The following THG1L variants were observed in gnomAD, a reference collection of about 807,000 sequenced individuals.
The protein encoded by THG1L is probable tRNA(His) guanylyltransferase.
A neutral mutation model predicts 35.2 loss-of-function variants in THG1L; 27 were observed. That is an observed-to-expected ratio of 0.77 (90% CI 0.57 to 1.06). THG1L has a LOEUF of 1.06. THG1L is among the 50% of genes least tolerant of loss of function. THG1L has a pLI of 0.00. For synonymous variants in THG1L, 135 were observed against 132.4 expected (o/e 1.02, Z -0.14); for missense variants, 377 against 371.8 (o/e 1.01, Z -0.12).
intron 3 of THG1L, 136 bp downstream of exon 3, chr5:157,734,881 T>C: frequency 1.1e-6 from 1 of 937,066 alleles, no homozygotes; most frequent in Non-Finnish European, 1.5e-6. Context: ...TTAAATATTT[T>C]TTCAATTAGT....
At chr5:157,732,566 A>T (rs1250620786) in intron 1 of THG1L, among the ~76,000 whole-genome samples, 1 of 152,224 alleles carries the variant, frequency 6.6e-6, no homozygotes, top group African/African-American at 2.4e-5. Context: ...ACTAGGAGCT[A>T]GGTATGATTA....
At chr5:157,734,789 C>T in intron 3 of THG1L, 44 bp downstream of exon 3, 2 of 1,610,002 alleles carry the variant, frequency 1.2e-6, no homozygotes, top group Non-Finnish European at 1.7e-6. Context: ...CCACCAATTC[C>T]ATGTCTTACA....
intron 3 of THG1L, among the ~76,000 whole-genome samples, 175 bp downstream of exon 3, chr5:157,734,920 G>A (rs970513538): frequency 2.6e-5 from 4 of 151,422 alleles, no homozygotes; most frequent in African/African-American, 9.7e-5. Context: ...TAAATTTTAC[G>A]TAAAAACTCC....
chr5:157,735,527 C>T (rs758279850), intron 3 of THG1L, among the ~76,000 whole-genome samples: 4 of 152,104 alleles, frequency 2.6e-5, no homozygotes, highest in Non-Finnish European at 5.9e-5. Context: ...TTTGAATTTT[C>T]CAGAAGAACT....
intron 5 of THG1L, 97 bp downstream of exon 5, chr5:157,738,091 T>G: frequency 1.1e-6 from 1 of 891,710 alleles, no homozygotes; most frequent in Non-Finnish European, 1.7e-6. Flanking sequence ...TATGCTGATG[T>G]TACTCCAGTT....
chr5:157,739,461 G>A lies in THG1L; in HGVS notation c.876G>A (p.Glu292=). 6.2e-7 allele frequency: 1 copy of A among 1,613,140 alleles called. No homozygotes were observed. The highest frequency in any genetic ancestry group is 1.3e-5 in the African/African-American group (1 of 75,034). The change falls in exon 6 of 6, where the codon GAG becomes GAA. Residue 292 remains glutamate (E), a synonymous_variant. Coordinates refer to ENST00000231198, the MANE Select transcript of THG1L (RefSeq NM_017872.5). The part of the protein sequence containing the change: ...IGDAFWKEHP[E]ILDEDS The stretch of plus-strand genomic sequence containing the variant: ...ATGCTTTCTGGAAGGAACATCCAGA[G>A]ATTCTAGATGAAGACAGCTGACCCT...
intron 2 of THG1L, among the ~76,000 whole-genome samples, chr5:157,733,613 G>A (rs1441281773): frequency 6.6e-6 from 1 of 151,534 alleles, no homozygotes; most frequent in Non-Finnish European, 1.5e-5. Flanking sequence ...TTACAGACAT[G>A]AGCCACCACG....
intron 2 of THG1L, among the ~76,000 whole-genome samples, chr5:157,733,536 GC>G (rs1281242202): frequency 6.6e-6 from 1 of 151,954 alleles, no homozygotes; most frequent in Admixed American, 6.6e-5. Context: ...TCTCTGTGTT[GC>G]CCAGGCTGGT....
At position 157,739,493 on chromosome 5, in the gene THG1L, C is replaced by G; in HGVS notation, c.*11C>G. On this transcript the variant is annotated 3_prime_UTR_variant, in exon 6 of 6. Coordinates refer to ENST00000231198, the MANE Select transcript of THG1L (RefSeq NM_017872.5). ...GATGAAGACAGCTGACCCTTTTGCG[C>G]TTCAGTTCTGGTGTGCTTAACCATG... 5 of 1,609,526 alleles carry G rather than the reference C, an allele frequency of 3.1e-6. No homozygotes were observed. Among genetic ancestry groups the G allele is most frequent in the Non-Finnish European group, 4.2e-6 (5 of 1,177,864 alleles).
Position 157,734,849 on chromosome 5 carries a change from T to A in THG1L, c.538+104T>A, listed in dbSNP as rs890622726. 2.4e-6 allele frequency: 3 copies of A among 1,270,298 alleles called. No individual in the cohort carries two copies. The East Asian group carries it at 7.3e-5, about 31-fold the overall frequency. 78.7% of individuals were successfully genotyped at this position (1,270,298 alleles called of 1,614,324 possible). A position where few individuals can be genotyped will look rare whatever the true frequency, so the allele number is the denominator to read the frequency against. On this transcript the variant is annotated intron_variant, in intron 3 of 5. Transcript: ENST00000231198. ...CTCACATATACTTTGTTTCAACATA[T>A]ACGTTGTACAGAATGCAGTATTTAA...
rs781494925 is a variant in THG1L at position 157,732,932 on chromosome 5, T to C, written c.256T>C (p.Cys86Arg). 3.1e-6 allele frequency: 5 copies of C among 1,614,192 alleles called. No individual in the cohort carries two copies. In the South Asian group the frequency reaches 3.3e-5, roughly 11 times the overall value. The change falls in exon 2 of 6, where the codon TGT (cysteine) becomes CGT (arginine). Residue 86 changes from cysteine to arginine, a missense_variant. Coordinates refer to ENST00000231198, the MANE Select transcript of THG1L (RefSeq NM_017872.5). Reference protein sequence around the residue: ...DSRALQLMTKCAQTVMEELED... With the variant: ...DSRALQLMTKRAQTVMEELED... ...CCGTGCTCTCCAGCTGATGACCAAA[T>C]GTGCGCAGACTGTGATGGAAGAACT...
At chr5:157,732,718 G>T (rs1157501320) in intron 1 of THG1L, 150 bp from the exon 2 acceptor site, 4 of 892,410 alleles carry the variant, frequency 4.5e-6, no homozygotes, top group Non-Finnish European at 5.0e-6. Context: ...AAGTTCTTAA[G>T]AAAATGGATC....
chr5:157,734,510 G>A, intron 2 of THG1L, 66 bp from the exon 3 acceptor site: 3 of 1,577,778 alleles, frequency 1.9e-6, no homozygotes, highest in Non-Finnish European at 8.7e-7. Context: ...GTCTTATCAT[G>A]GTGTTGAACT....
chr5:157,734,954 T>A (rs78784277), intron 3 of THG1L, among the ~76,000 whole-genome samples: 1 of 152,016 alleles, frequency 6.6e-6, no homozygotes, highest in Non-Finnish European at 1.5e-5. Flanking sequence ...TTTTTTTTTT[T>A]AAGACAGAGT....
chr5:157,732,099 A>G (rs1207694515), intron 1 of THG1L, among the ~76,000 whole-genome samples: 2 of 152,014 alleles, frequency 1.3e-5, no homozygotes, highest in African/African-American at 4.8e-5. Context: ...AGTCAGAAAA[A>G]AAGAGAAGGC....
chr5:157,731,434 G>A lies in THG1L; in HGVS notation c.-7G>A. 1.9e-6 allele frequency: 3 copies of A among 1,581,294 alleles called. No homozygotes were observed. Among genetic ancestry groups the A allele is most frequent in the Non-Finnish European group, 2.6e-6 (3 of 1,162,118 alleles). ...GGCTATCTGGCCCTTTCCTTTCCGC[G>A]TGTAGAATGTGGGGCGCCTGTAAAG... On this transcript the variant is annotated 5_prime_UTR_variant, in exon 1 of 6. In the 5' UTR this introduces an upstream ATG that the reference lacks. Coordinates refer to ENST00000231198, the MANE Select transcript of THG1L (RefSeq NM_017872.5).
Position 157,739,963 on chromosome 5 carries a change from T to C in THG1L, c.*481T>C, listed in dbSNP as rs1462474885. On this transcript the variant is annotated 3_prime_UTR_variant, in exon 6 of 6. Transcript: ENST00000231198. ...TGGCAGACCTCAAGATAAATATGGG[T>C]TAATGCCTGCATGATGCCTCTGAAT... 1.3e-5 allele frequency: 2 copies of C among 152,294 alleles called. No homozygotes were observed. The highest frequency in any genetic ancestry group is 2.9e-5 in the Non-Finnish European group (2 of 68,138). 9.4% of individuals were successfully genotyped at this position (152,294 alleles called of 1,614,324 possible).
In THG1L at chr5:157,731,651, G is replaced by C. The variant is rs769297483; in HGVS notation, c.191+20G>C. The C allele has an allele frequency of 6.3e-7, 1 of 1,578,788 alleles. No individual in the cohort carries two copies. Among genetic ancestry groups the C allele is most frequent in the Non-Finnish European group, 8.6e-7 (1 of 1,159,784 alleles). On this transcript the variant is annotated intron_variant, in intron 1 of 5. Coordinates refer to ENST00000231198, the MANE Select transcript of THG1L (RefSeq NM_017872.5). ...CCATCGGTGAGCGAGCTCGACTCGGGGCGTCGCGATGCGCCAGCGCTTCCG... is the reference window on the plus strand; with the variant it reads ...CCATCGGTGAGCGAGCTCGACTCGGCGCGTCGCGATGCGCCAGCGCTTCCG...
At chr5:157,731,914 T>C (rs1451879697) in intron 1 of THG1L, among the ~76,000 whole-genome samples, 5 of 152,200 alleles carry the variant, frequency 3.3e-5, no homozygotes, top group African/African-American at 1.2e-4. Context: ...GGACCTGTTG[T>C]TAAAAGTCAC....
Sources: gnomAD v4.1 joint callset for allele counts (sites outside exome capture counted in the v4.1 genomes callset) on GRCh38, gnomAD v4.1.1 for gene constraint, MANE v1.5 for transcripts, NCBI Gene and HGNC (gene_info 2026-07-23, HGNC 2026-07-21) for gene names.